NXPE4: variants seen among roughly 807,000 people sequenced by gnomAD.
NXPE4 encodes NXPE family member 4.
In NXPE4, 42 loss-of-function variants were observed where a neutral mutation model predicts 33.3. That is an observed-to-expected ratio of 1.26 (90% confidence interval 0.98 to 1.63). The LOEUF (loss-of-function observed/expected upper bound fraction) is 1.63. NXPE4 is among the 40% of genes most tolerant of loss of function. The pLI is 0.00. For missense variants in NXPE4, 709 were observed against 647.6 expected (o/e 1.09, Z -1.03); for synonymous variants, 253 against 234.9 (o/e 1.08, Z -0.71).
chr11:114,660,445 C>T, the NXPE4 span, among the ~76,000 whole-genome samples: 3 of 151,776 alleles, frequency 2.0e-5, no homozygotes, highest in African/African-American at 7.3e-5. Context: ...GTAATAAAAG[C>T]CTTGTTCATC....
At chr11:114,640,641 T>C in the NXPE4 span, among the ~76,000 whole-genome samples, 1 of 152,040 alleles carries the variant, frequency 6.6e-6, no homozygotes, top group Admixed American at 6.6e-5. Flanking sequence ...TTTTTAATAA[T>C]GGCCATTCTG....
At chr11:114,637,092 G>T in the NXPE4 span, among the ~76,000 whole-genome samples, 1 of 151,816 alleles carries the variant, frequency 6.6e-6, no homozygotes, top group Non-Finnish European at 1.5e-5. Flanking sequence ...TAACGTGTGG[G>T]AGTCTAAGTC....
At chr11:114,630,451 G>T in the NXPE4 span, among the ~76,000 whole-genome samples, 13 of 151,652 alleles carry the variant, frequency 8.6e-5, no homozygotes, top group African/African-American at 2.9e-4. Flanking sequence ...AAATGGTGCT[G>T]GGAAAACTGG....
the NXPE4 span, among the ~76,000 whole-genome samples, chr11:114,619,342 A>T: frequency 6.6e-6 from 1 of 152,010 alleles, no homozygotes; most frequent in Admixed American, 6.5e-5. Flanking sequence ...CCTTGTGTGT[A>T]ACCACTGTTA....
At chr11:114,661,438 A>T in the NXPE4 span, among the ~76,000 whole-genome samples, 21 of 152,252 alleles carry the variant, frequency 1.4e-4, no homozygotes, top group South Asian at 4.4e-3. Flanking sequence ...GAATCCTAGG[A>T]TCCATGGTGA....
chr11:114,618,502 A>G, the NXPE4 span, among the ~76,000 whole-genome samples: 1 of 151,918 alleles, frequency 6.6e-6, no homozygotes, highest in Admixed American at 6.6e-5. Flanking sequence ...CCTCGTAGGT[A>G]ACCACTGTTT....
At chr11:114,620,134 G>T in the NXPE4 span, among the ~76,000 whole-genome samples, 25 of 152,094 alleles carry the variant, frequency 1.6e-4, no homozygotes, top group South Asian at 3.9e-3. Context: ...TTCCTCGTGG[G>T]AAACCACTGT....
In NXPE4 at chr11:114,583,098, T is replaced by C. The variant is rs148043908; in HGVS notation, c.97-77A>G. The C allele has an allele frequency of 7.3e-5, 105 of 1,439,420 alleles. No homozygotes were observed. In the African/African-American group the frequency reaches 1.3e-3, roughly 17 times the overall value. The allele number at this position is 1,439,420 out of a possible 1,614,324, so 89.2% of individuals were successfully genotyped here. A position where few individuals can be genotyped will look rare whatever the true frequency, so the allele number is the denominator to read the frequency against. ...AACTGAAATGACAGGAAGTGTAACA[T>C]GCTATGAAATTAACATGTTCCTAGT... On this transcript the variant is annotated intron_variant, in intron 2 of 5. Transcript: ENST00000375478.
chr11:114,672,646 CA>C, the NXPE4 span, among the ~76,000 whole-genome samples: 1 of 151,582 alleles, frequency 6.6e-6, no homozygotes, highest in Non-Finnish European at 1.5e-5. Context: ...ATCATTCAAA[CA>C]GCAATAATAT....
intron 5 of NXPE4, among the ~76,000 whole-genome samples, chr11:114,578,977 C>T (rs2135210997): frequency 6.6e-6 from 1 of 152,230 alleles, no homozygotes; most frequent in South Asian, 2.1e-4. Flanking sequence ...TCTATACAGA[C>T]TTGTACTTGT....
the NXPE4 span, among the ~76,000 whole-genome samples, chr11:114,666,805 T>C: frequency 6.6e-6 from 1 of 152,128 alleles, no homozygotes; most frequent in Non-Finnish European, 1.5e-5. Context: ...TTTCCTTGTA[T>C]TTACAACATT....
At position 114,580,329 on chromosome 11, in the gene NXPE4, A is replaced by G. The variant is rs531981146; in HGVS notation, c.902T>C (p.Val301Ala). The G allele has an allele frequency of 1.2e-5, 19 of 1,613,694 alleles. No individual in the cohort carries two copies. In the African/African-American group the frequency reaches 1.3e-4, roughly 11 times the overall value. Residue 301 changes from valine (V) to alanine (A), a missense_variant, in exon 5 of 6, where the codon GTT becomes GCT. Physicochemically the swap from Val to Ala is moderately conservative, Grantham distance 64. Transcript: ENST00000375478. Reference sequence around the variant, plus strand: ...AAACTTGCATTTCTCTTTCATTGCAACTGTTTCTTCTGCCAAAGAATCAAT... The same window carrying G: ...AAACTTGCATTTCTCTTTCATTGCAGCTGTTTCTTCTGCCAAAGAATCAAT... Reference protein sequence around the residue: ...ISVSKCNKETVAMKEKCKFGM... With the variant: ...ISVSKCNKETAAMKEKCKFGM...
chr11:114,630,319 A>T, the NXPE4 span, among the ~76,000 whole-genome samples: 1 of 151,864 alleles, frequency 6.6e-6, no homozygotes, highest in South Asian at 2.1e-4. Flanking sequence ...TGGTACCAAA[A>T]TAGAGATATA....
At chr11:114,576,766 A>G (rs1270926340) in intron 5 of NXPE4, among the ~76,000 whole-genome samples, 13 of 151,928 alleles carry the variant, frequency 8.6e-5, no homozygotes, top group Admixed American at 8.5e-4. Flanking sequence ...AACCACTAAG[A>G]AAAACAATGT....
chr11:114,648,330 A>G, the NXPE4 span, among the ~76,000 whole-genome samples: 1 of 152,116 alleles, frequency 6.6e-6, no homozygotes, highest in Non-Finnish European at 1.5e-5. Flanking sequence ...GGAAGAGCCA[A>G]TGTTTTGGTT....
the NXPE4 span, among the ~76,000 whole-genome samples, chr11:114,660,913 T>TATTA: frequency 6.6e-6 from 1 of 152,164 alleles, no homozygotes; most frequent in Non-Finnish European, 1.5e-5. Flanking sequence ...TCAACGTTAA[T>TATTA]ATAAAGTTTT....
chr11:114,582,440 A>G lies in NXPE4; in HGVS notation c.678T>C (p.Asn226=), dbSNP rs1949169459. 1 of 1,614,176 alleles carries G rather than the reference A, an allele frequency of 6.2e-7. No individual in the cohort carries two copies. The highest frequency in any genetic ancestry group is 8.5e-7 in the Non-Finnish European group (1 of 1,180,004). The change falls in exon 3 of 6, where the codon AAT becomes AAC. Residue 226 remains asparagine (N), a synonymous_variant. Coordinates refer to ENST00000375478, the MANE Select transcript of NXPE4 (RefSeq NM_001077639.2). ...TGTCCAGGTACTGGCACAATTCAGC[A>G]TTTGTGTTTAGGATCAGGCCACATT... ...HSECGLILNT[N]AELCQYLDNR...
At chr11:114,630,434 AT>A in the NXPE4 span, among the ~76,000 whole-genome samples, 1 of 151,874 alleles carries the variant, frequency 6.6e-6, no homozygotes, top group South Asian at 2.1e-4. Flanking sequence ...AGTATTCCCT[AT>A]TTAATAAATG....
At chr11:114,614,448 C>A in the NXPE4 span, among the ~76,000 whole-genome samples, 1 of 151,852 alleles carries the variant, frequency 6.6e-6, no homozygotes, top group Non-Finnish European at 1.5e-5. Flanking sequence ...CGTGGGTAAC[C>A]ACTGTTACCC....
Sources: gnomAD v4.1 joint callset for allele counts (sites outside exome capture counted in the v4.1 genomes callset) on GRCh38, gnomAD v4.1.1 for gene constraint, MANE v1.5 for transcripts, NCBI Gene and HGNC (gene_info 2026-07-23, HGNC 2026-07-21) for gene names.